The following GYG1 variants were observed in gnomAD, a reference collection of about 807,000 sequenced individuals.
GYG1 encodes glycogenin 1, also known as glycogenin-1.
In GYG1, 44 loss-of-function variants were observed where a neutral mutation model predicts 41.9. That is an observed-to-expected ratio of 1.05 (90% confidence interval 0.83 to 1.35). The LOEUF is 1.35. Among genes scored for constraint, GYG1 ranks in the 40% most tolerant of loss-of-function variants. The pLI, the probability that GYG1 is intolerant of heterozygous loss-of-function variation, is 0.00. For synonymous variants in GYG1, 141 were observed against 158.1 expected, an observed-to-expected ratio of 0.89 and a Z score of 0.81; for missense variants, 429 against 418.9, an observed-to-expected ratio of 1.02 and a Z score of -0.21.
chr3:149,014,213 A>G (rs925838757), intron 5 of GYG1, among the ~76,000 whole-genome samples: 1 of 152,026 alleles, frequency 6.6e-6, no homozygotes, highest in African/African-American at 2.4e-5. Flanking sequence ...CAGAGTGGCT[A>G]TCTGGTCATT....
rs937098765 is a variant in GYG1 at position 148,991,702 on chromosome 3, C to T, written c.7+55C>T. ...CCCGGGACCCCGGCTTCCTGCCCAG[C>T]CGCCGCCTCCCTTCTCCTCCGCCCT... On this transcript the variant is annotated intron_variant, in intron 1 of 7. Coordinates refer to ENST00000345003, the MANE Select transcript of GYG1 (RefSeq NM_004130.4). The T allele has an allele frequency of 2.1e-4, 277 of 1,339,640 alleles. No individual in the cohort carries two copies. In the African/African-American group the frequency reaches 3.7e-3, roughly 18 times the overall value. 83.0% of individuals were successfully genotyped at this position (1,339,640 alleles called of 1,614,324 possible).
At chr3:148,998,447 C>T (rs1490264291) in intron 4 of GYG1, among the ~76,000 whole-genome samples, 1 of 152,102 alleles carries the variant, frequency 6.6e-6, no homozygotes, top group Non-Finnish European at 1.5e-5. Flanking sequence ...ATGCACAAGA[C>T]GATTTCTTCC....
intron 6 of GYG1, among the ~76,000 whole-genome samples, chr3:149,025,488 T>C (rs1559845041): frequency 6.6e-6 from 1 of 152,200 alleles, no homozygotes; most frequent in Non-Finnish European, 1.5e-5. Context: ...TGGGGACCCC[T>C]GTCATACAGT....
chr3:149,006,158 C>G (rs1457446613), intron 4 of GYG1, among the ~76,000 whole-genome samples: 2 of 149,198 alleles, frequency 1.3e-5, no homozygotes, highest in African/African-American at 5.0e-5. Context: ...TCTCAGCTCA[C>G]TGCAACCTCT....
At chr3:149,025,680 A>T (rs1441940491) in intron 6 of GYG1, among the ~76,000 whole-genome samples, 1 of 152,146 alleles carries the variant, frequency 6.6e-6, no homozygotes, top group Non-Finnish European at 1.5e-5. Flanking sequence ...TTAGTTATGT[A>T]ATAGACTAGT....
At chr3:148,996,683 C>A in intron 3 of GYG1, 59 bp from the exon 4 acceptor site, 1 of 1,509,764 alleles carries the variant, frequency 6.6e-7, no homozygotes, top group Non-Finnish European at 9.2e-7. Context: ...AGGAAGAACT[C>A]AAGAAGGGTA....
In GYG1 at chr3:149,027,718, G is replaced by T. The variant is rs911890907; in HGVS notation, c.*785G>T. 2 of 152,160 alleles carry T rather than the reference G, an allele frequency of 1.3e-5. No individual in the cohort carries two copies. Among genetic ancestry groups the T allele is most frequent in the African/African-American group, 4.8e-5 (2 of 41,446 alleles). The allele number at this position is 152,160 out of a possible 1,614,324, so 9.4% of individuals were successfully genotyped here. A position where few individuals can be genotyped will look rare whatever the true frequency, so the allele number is the denominator to read the frequency against. ...GAATTTTTCACAATTTTTGGAATTT[G>T]TCATAGTTTTAAAAAAGTGTAAAGC... On this transcript the variant is annotated 3_prime_UTR_variant, in exon 8 of 8. Transcript: ENST00000345003.
intron 7 of GYG1, 98 bp downstream of exon 7, chr3:149,026,600 C>T: frequency 2.0e-6 from 2 of 1,024,552 alleles, no homozygotes; most frequent in Non-Finnish European, 1.5e-6. Context: ...ATCATATAAT[C>T]TATATTTTTG....
rs769940723 is a variant in GYG1 at position 149,024,173 on chromosome 3, A to G, written c.729A>G (p.Pro243=). ...SEAHDPNMTH[P]EFLILWWNIF... ...CCCATGATCCCAACATGACTCATCC[A>G]GAGTTTCTCATCCTGTGGTGGAACA... Residue 243 remains proline (P), a synonymous_variant, in exon 6 of 8, where the codon CCA becomes CCG. Coordinates refer to ENST00000345003, the MANE Select transcript of GYG1 (RefSeq NM_004130.4). 1 of 1,613,710 alleles carries G rather than the reference A, an allele frequency of 6.2e-7. No individual in the cohort carries two copies. Among genetic ancestry groups the G allele is most frequent in the South Asian group, 1.1e-5 (1 of 91,072 alleles).
intron 4 of GYG1, among the ~76,000 whole-genome samples, chr3:149,005,164 A>G (rs1236056622): frequency 6.6e-6 from 1 of 152,186 alleles, no homozygotes. Context: ...AATATCCTTT[A>G]TAACCTACAC....
In GYG1 at chr3:149,027,193, T is replaced by C; in HGVS notation, c.*260T>C. The C allele has an allele frequency of 3.8e-6, 2 of 521,668 alleles. No homozygotes were observed. The highest frequency in any genetic ancestry group is 3.2e-5 in the East Asian group (1 of 31,174). The allele number at this position is 521,668 out of a possible 1,614,324, so 32.3% of individuals were successfully genotyped here. The stretch of plus-strand genomic sequence containing the variant: ...TTCTCACTTTTGTTGACTGCCAACA[T>C]ACAAAGTAAGGGAAACTCAAGATAT... On this transcript the variant is annotated 3_prime_UTR_variant, in exon 8 of 8. Transcript: ENST00000345003.
chr3:149,010,013 A>C (rs1396285752), intron 5 of GYG1, among the ~76,000 whole-genome samples: 1 of 152,210 alleles, frequency 6.6e-6, no homozygotes, highest in Admixed American at 6.5e-5. Context: ...CATGGTTAGA[A>C]GAGGGCCTGG....
rs1450075994 is a variant in GYG1, at chr3:149,030,866, T to C, written c.*3933T>C. 6.6e-6 allele frequency: 1 copy of C among 152,208 alleles called. No individual in the cohort carries two copies. The highest frequency in any genetic ancestry group is 2.4e-5 in the African/African-American group (1 of 41,452). The allele number at this position is 152,208 out of a possible 1,614,324, so 9.4% of individuals were successfully genotyped here. A position where few individuals can be genotyped will look rare whatever the true frequency, so the allele number is the denominator to read the frequency against. On this transcript the variant is annotated 3_prime_UTR_variant, in exon 8 of 8. Coordinates refer to ENST00000345003, the MANE Select transcript of GYG1 (RefSeq NM_004130.4). ...AGAAAAGGACTTATCTGGTGAGAGA[T>C]TTGGCATATACCTTCAATGTGTGCC...
intron 4 of GYG1, among the ~76,000 whole-genome samples, chr3:149,002,249 G>A (rs1402443073): frequency 6.6e-6 from 1 of 152,136 alleles, no homozygotes; most frequent in African/African-American, 2.4e-5. Flanking sequence ...CCTCTATAAA[G>A]TTTATATTCT....
intron 5 of GYG1, among the ~76,000 whole-genome samples, chr3:149,020,437 C>G (rs1339619484): frequency 1.3e-5 from 2 of 152,244 alleles, no homozygotes; most frequent in Admixed American, 1.3e-4. Context: ...TGCAGCCAGA[C>G]TGCCTGGATG....
At chr3:149,017,595 T>TTTTG (rs1714132774) in intron 5 of GYG1, among the ~76,000 whole-genome samples, 1 of 96,226 alleles carries the variant, frequency 1.0e-5, no homozygotes, top group Non-Finnish European at 1.9e-5. Context: ...TTTTTTTTTT[T>TTTTG]TTTTTTTTTT....
chr3:149,016,051 A>G (rs1714008615), intron 5 of GYG1, among the ~76,000 whole-genome samples: 1 of 151,856 alleles, frequency 6.6e-6, no homozygotes, highest in Non-Finnish European at 1.5e-5. Context: ...TCACGAGGTC[A>G]GGAGATCGAG....
At position 149,027,644 on chromosome 3, in the gene GYG1, TAATTA is replaced by T. The variant is rs1213480958; in HGVS notation, c.*718_*722del. 3.3e-5 allele frequency: 5 copies of T among 152,542 alleles called. No individual in the cohort carries two copies. Among genetic ancestry groups the T allele is most frequent in the East Asian group, 1.9e-4 (1 of 5,192 alleles). The allele number at this position is 152,542 out of a possible 1,614,324, so 9.4% of individuals were successfully genotyped here. A position where few individuals can be genotyped will look rare whatever the true frequency, so the allele number is the denominator to read the frequency against. On this transcript the variant is annotated 3_prime_UTR_variant, in exon 8 of 8. Coordinates refer to ENST00000345003, the MANE Select transcript of GYG1 (RefSeq NM_004130.4). ...GACTTATTGCTGTATCTTGGTTGTT[TAATTA>T]AATTAAGGAATTTCACCATACACCC...
intron 4 of GYG1, among the ~76,000 whole-genome samples, chr3:149,000,467 T>C (rs1180787016): frequency 6.6e-6 from 1 of 152,224 alleles, no homozygotes; most frequent in Non-Finnish European, 1.5e-5. Context: ...AGAGAGCTCA[T>C]TATATTGTAG....
Sources: gnomAD v4.1 joint callset for allele counts (sites outside exome capture counted in the v4.1 genomes callset) on GRCh38, gnomAD v4.1.1 for gene constraint, MANE v1.5 for transcripts, NCBI Gene and HGNC (gene_info 2026-07-23, HGNC 2026-07-21) for gene names.